L3MBTL2: variants seen among roughly 807,000 people sequenced by gnomAD.
The protein encoded by L3MBTL2 is lethal(3)malignant brain tumor-like protein 2.
In L3MBTL2, 49 loss-of-function variants were observed where a neutral mutation model predicts 86.4. That is an observed-to-expected ratio of 0.57 (90% CI 0.45 to 0.72). The LOEUF is 0.72. Among genes scored for constraint, L3MBTL2 ranks in the 30% least tolerant of loss-of-function variants. The pLI is 0.00. For missense variants in L3MBTL2, 755 were observed against 923.7 expected (o/e 0.82, Z 2.37); for synonymous variants, 336 against 350.6 (o/e 0.96, Z 0.47).
chr22:41,206,515 C>T (rs1312233179), intron 1 of L3MBTL2, among the ~76,000 whole-genome samples: 2 of 151,680 alleles, frequency 1.3e-5, no homozygotes, highest in African/African-American at 4.8e-5. Flanking sequence ...GAATTGTTTC[C>T]TTGCTGGGTG....
At chr22:41,229,868 G>T in intron 16 of L3MBTL2, 1 of 825,362 alleles carries the variant, frequency 1.2e-6, no homozygotes, top group Non-Finnish European at 2.0e-6. Context: ...CCCGGCCCCG[G>T]CCCCTCCTCC....
At chr22:41,221,121 C>T in intron 7 of L3MBTL2, 78 bp from the exon 8 acceptor site, 1 of 1,358,924 alleles carries the variant, frequency 7.4e-7, no homozygotes, top group South Asian at 1.4e-5. Flanking sequence ...GGGGTCCCCA[C>T]TCTGGGTCGG....
At position 41,230,125 on chromosome 22, in the gene L3MBTL2, C is replaced by A. The variant is rs1416621805; in HGVS notation, c.2006-14C>A. The A allele has an allele frequency of 3.3e-6, 5 of 1,523,248 alleles. No homozygotes were observed. In the Admixed American group the frequency reaches 6.8e-5, roughly 21 times the overall value. 94.4% of individuals were successfully genotyped at this position (1,523,248 alleles called of 1,614,324 possible). On this transcript the variant is annotated splice_polypyrimidine_tract_variant and intron_variant, in intron 16 of 16. Coordinates refer to ENST00000216237, the MANE Select transcript of L3MBTL2 (RefSeq NM_031488.5). ...ATTTACTCGCCCACCCACCCGCCTC[C>A]CCTCCCTCTTCAGTCATTGCTGTGC...
intron 2 of L3MBTL2, among the ~76,000 whole-genome samples, chr22:41,212,006 G>A (rs1376225552): frequency 6.6e-6 from 1 of 150,908 alleles, no homozygotes; most frequent in Non-Finnish European, 1.5e-5. Flanking sequence ...TGGGACTACA[G>A]GCGCCCTCCG....
At chr22:41,216,079 C>G in intron 3 of L3MBTL2, 60 bp from the exon 4 acceptor site, 1 of 1,545,812 alleles carries the variant, frequency 6.5e-7, no homozygotes, top group South Asian at 1.2e-5. Flanking sequence ...CTTGGCGGCC[C>G]AAATCCAGAC....
chr22:41,228,859 A>G (rs2032382774), intron 15 of L3MBTL2, among the ~76,000 whole-genome samples: 1 of 152,002 alleles, frequency 6.6e-6, no homozygotes, highest in Admixed American at 6.6e-5. Flanking sequence ...CACAAAAAAA[A>G]AAAAAAAATT....
At chr22:41,211,530 A>T (rs1442713174) in intron 2 of L3MBTL2, among the ~76,000 whole-genome samples, 1 of 141,766 alleles carries the variant, frequency 7.1e-6, no homozygotes, top group Non-Finnish European at 1.5e-5. Flanking sequence ...GAGTAATCTA[A>T]TACTCTTTGC....
chr22:41,216,806 G>A (rs2031404982), intron 4 of L3MBTL2, among the ~76,000 whole-genome samples: 1 of 152,226 alleles, frequency 6.6e-6, no homozygotes, highest in Admixed American at 6.5e-5. Flanking sequence ...ATCAGGTTCA[G>A]GGCGGAGGGA....
intron 15 of L3MBTL2, among the ~76,000 whole-genome samples, chr22:41,228,746 A>G (rs1048465939): frequency 6.6e-6 from 1 of 151,958 alleles, no homozygotes; most frequent in Non-Finnish European, 1.5e-5. Flanking sequence ...GCTACTTGGG[A>G]GGCTGAGGCA....
rs2031813499 is a variant in L3MBTL2 at position 41,221,454 on chromosome 22, T to A, written c.942+167T>A. 6.2e-6 allele frequency: 4 copies of A among 641,022 alleles called. No individual in the cohort carries two copies. The South Asian group carries it at 7.4e-5, about 12-fold the overall frequency. 39.7% of individuals were successfully genotyped at this position (641,022 alleles called of 1,614,324 possible). On this transcript the variant is annotated intron_variant, in intron 8 of 16. Transcript: ENST00000216237. ...AAATGCTGCTGCTACGTGGTTGCCA[T>A]CTGCCTTTCTAGCCTGGCGTCGGCC...
chr22:41,220,740 G>A lies in L3MBTL2; in HGVS notation c.725G>A (p.Arg242Gln), dbSNP rs372607973. 7.4e-6 allele frequency: 12 copies of A among 1,612,416 alleles called. No homozygotes were observed. Among genetic ancestry groups the A allele is most frequent in the Admixed American group, 3.3e-5 (2 of 59,972 alleles). Residue 242 changes from arginine (R) to glutamine (Q), a missense_variant, in exon 7 of 17, where the codon CGG becomes CAG. Arg to Gln is a conservative substitution (Grantham distance 43). Coordinates refer to ENST00000216237, the MANE Select transcript of L3MBTL2 (RefSeq NM_031488.5). ...IASVIQTAGYRVLLRYEGFEN... is the reference protein window; with the variant it reads ...IASVIQTAGYQVLLRYEGFEN... ...CCCTTTCCTTTCCTTTCAGGGTATC[G>A]GGTGCTGCTTCGGTATGAAGGCTTT...
At chr22:41,222,665 A>G (rs1417700144) in intron 8 of L3MBTL2, among the ~76,000 whole-genome samples, 6 of 152,012 alleles carry the variant, frequency 3.9e-5, no homozygotes, top group Non-Finnish European at 8.8e-5. Flanking sequence ...TACTCCTGTA[A>G]TCCCAGCACT....
At position 41,227,428 on chromosome 22, in the gene L3MBTL2, A is replaced by C; in HGVS notation, c.1822+105A>C. 1 of 1,253,306 alleles carries C rather than the reference A, an allele frequency of 8.0e-7. No homozygotes were observed. The highest frequency in any genetic ancestry group is 1.1e-6 in the Non-Finnish European group (1 of 880,070). The allele number at this position is 1,253,306 out of a possible 1,614,324, so 77.6% of individuals were successfully genotyped here. The stretch of plus-strand genomic sequence containing the variant: ...CTCCGTTCTTTGGCATGAGGTGGAG[A>C]TGTCTCATGGACCACTTTAAGTAGA... On this transcript the variant is annotated intron_variant, in intron 14 of 16. Transcript: ENST00000216237. This position sits in a 1 kb window ranked among gnomAD's most constrained non-coding sequence, Gnocchi z 6.0.
At chr22:41,216,937 T>C (rs1379072240) in intron 4 of L3MBTL2, 186 bp from the exon 5 acceptor site, 5 of 569,118 alleles carry the variant, frequency 8.8e-6, no homozygotes, top group Admixed American at 3.2e-5. Context: ...TCCTCAACAG[T>C]GGTCCCTCAT....
intron 6 of L3MBTL2, among the ~76,000 whole-genome samples, 187 bp from the exon 7 acceptor site, chr22:41,220,547 G>A (rs996775106): frequency 5.3e-5 from 8 of 152,000 alleles, no homozygotes; most frequent in African/African-American, 9.7e-5. Context: ...AAAATCAGCC[G>A]GGCGTGGTGG....
At chr22:41,207,681 T>G (rs1312173838) in intron 1 of L3MBTL2, among the ~76,000 whole-genome samples, 6 of 151,694 alleles carry the variant, frequency 4.0e-5, no homozygotes, top group Non-Finnish European at 7.4e-5. Flanking sequence ...TCACACCTTT[T>G]TTTTCCTTTG....
At position 41,220,744 on chromosome 22, in the gene L3MBTL2, G is replaced by A; in HGVS notation, c.729G>A (p.Val243=). The A allele has an allele frequency of 1.2e-6, 2 of 1,613,012 alleles. No individual in the cohort carries two copies. Among genetic ancestry groups the A allele is most frequent in the Middle Eastern group, 1.7e-4 (1 of 5,930 alleles). ...TTCCTTTCCTTTCAGGGTATCGGGT[G>A]CTGCTTCGGTATGAAGGCTTTGAAA... ...ASVIQTAGYR[V]LLRYEGFEND... is the part of the protein sequence containing the mutation. Residue 243 remains valine (V), a synonymous_variant, in exon 7 of 17, where the codon GTG becomes GTA. Transcript: ENST00000216237.
chr22:41,228,972 C>A (rs540951557), intron 15 of L3MBTL2, among the ~76,000 whole-genome samples: 1 of 151,966 alleles, frequency 6.6e-6, no homozygotes, highest in African/African-American at 2.4e-5. Context: ...CAATCAAAAA[C>A]GGGGGCTGAG....
intron 2 of L3MBTL2, among the ~76,000 whole-genome samples, chr22:41,211,695 T>G (rs2030837423): frequency 6.7e-6 from 1 of 149,164 alleles, no homozygotes; most frequent in African/African-American, 2.5e-5. Context: ...CAGCTGGGAC[T>G]ACAGGCGCCT....
Sources: allele counts gnomAD v4.1 joint callset (sites outside exome capture counted in the v4.1 genomes callset), GRCh38; gene constraint gnomAD v4.1.1; non-coding constraint Gnocchi (gnomAD v3.1); transcripts MANE v1.5; gene names NCBI Gene and HGNC (gene_info 2026-07-23, HGNC 2026-07-21).